The following FBN3 variants were observed in gnomAD, a reference collection of about 807,000 sequenced individuals.
FBN3 encodes the protein fibrillin 3, also known as fibrillin-3.
A neutral mutation model predicts 330.1 loss-of-function variants in FBN3; 234 were observed. That is an observed-to-expected ratio of 0.71 (90% CI 0.64 to 0.79). The LOEUF is 0.79. FBN3 is among the 30% of genes least tolerant of loss of function. FBN3 has a pLI of 0.00. For missense variants in FBN3, 3,606 were observed against 3,886.9 expected (o/e 0.93, Z 1.92); for synonymous variants, 1,458 against 1,517.3 (o/e 0.96, Z 0.91).
chr19:8,146,434 G>C (rs1296666063), intron 3 of FBN3, among the ~76,000 whole-genome samples: 1 of 152,216 alleles, frequency 6.6e-6, no homozygotes, highest in Non-Finnish European at 1.5e-5. Context: ...CCCAGGCTGT[G>C]GGTTGGGGAC....
At position 8,094,364 on chromosome 19, in the gene FBN3, C is replaced by G; in HGVS notation, c.5905+82G>C. The G allele has an allele frequency of 5.5e-6, 8 of 1,467,804 alleles. No individual in the cohort carries two copies. The Admixed American group carries it at 1.6e-4, about 30-fold the overall frequency. The allele number at this position is 1,467,804 out of a possible 1,614,324, so 90.9% of individuals were successfully genotyped here. On this transcript the variant is annotated intron_variant, in intron 47 of 63. Transcript: ENST00000600128. ...AGTACATCTCCACCTTCATCACAAC[C>G]CTAGCTGGTATTCCCATTTTATGGA...
In FBN3 at chr19:8,146,348, C is replaced by G. The variant is rs2083546528; in HGVS notation, c.251-123G>C. ...CTGCTGGTCATCTGCATCCCCGGCT[C>G]TGCTCATAGCACACCCCACCCCTGT... On this transcript the variant is annotated intron_variant, in intron 3 of 63. Transcript: ENST00000600128. 17 of 765,660 alleles carry G rather than the reference C, an allele frequency of 2.2e-5. 1 individual carries two copies. Among genetic ancestry groups the G allele is most frequent in the Admixed American group, 6.7e-5 (3 of 44,728 alleles). The allele number at this position is 765,660 out of a possible 1,614,324, so 47.4% of individuals were successfully genotyped here. A position where few individuals can be genotyped will look rare whatever the true frequency, so the allele number is the denominator to read the frequency against.
intron 56 of FBN3, 110 bp downstream of exon 56, chr19:8,085,253 A>T: frequency 1.1e-6 from 1 of 873,758 alleles, no homozygotes; most frequent in Non-Finnish European, 1.8e-6. Context: ...ACACACACAC[A>T]CACAGTGTGG....
chr19:8,106,211 C>A lies in FBN3; in HGVS notation c.4710G>T (p.Leu1570=). 1.2e-6 allele frequency: 2 copies of A among 1,614,190 alleles called. No individual in the cohort carries two copies. The highest frequency in any genetic ancestry group is 1.7e-6 in the Non-Finnish European group (2 of 1,180,030). The change falls in exon 38 of 64, where the codon CTG becomes CTT. Residue 1570 remains leucine (L), a synonymous_variant. Coordinates refer to ENST00000600128, the MANE Select transcript of FBN3 (RefSeq NM_032447.5). The part of the protein sequence containing the change: ...ILEDIDECQE[L]PGLCQGGDCV... ...AGTCACCCCCCTGACACAGCCCTGG[C>A]AGCTCTTGGCACTCGTCGATGTCTG...
At chr19:8,078,750 C>G (rs921306456) in intron 59 of FBN3, among the ~76,000 whole-genome samples, 7 of 150,272 alleles carry the variant, frequency 4.7e-5, no homozygotes, top group African/African-American at 1.7e-4. Flanking sequence ...AGAAATGCCT[C>G]TTGTTTCAAG....
chr19:8,091,442 C>T (rs1424634092), intron 48 of FBN3, 23 bp downstream of exon 48: 8 of 1,592,836 alleles, frequency 5.0e-6, no homozygotes, highest in Non-Finnish European at 6.9e-6. Context: ...CCACCCTCTT[C>T]CCTAAGCCCT....
chr19:8,120,239 G>A (rs1290731805), intron 25 of FBN3, among the ~76,000 whole-genome samples: 3 of 141,198 alleles, frequency 2.1e-5, no homozygotes, highest in African/African-American at 5.4e-5. Flanking sequence ...GCGCGATCTC[G>A]GCTCACTGCA....
chr19:8,128,974 G>A (rs2083060192), intron 18 of FBN3, 54 bp downstream of exon 18: 2 of 1,564,248 alleles, frequency 1.3e-6, no homozygotes, highest in Middle Eastern at 1.8e-4. Context: ...CACATGCCAA[G>A]TATGTTGGAG....
Position 8,076,189 on chromosome 19 carries a change from T to C in FBN3, c.7454-778A>G, listed in dbSNP as rs577445335. ...ATCTTGAACTGCCCAGCTTCCAGAA[T>C]GGAAAAAAAAATAAATCTCTGTAGT... On this transcript the variant is annotated intron_variant, in intron 59 of 63. Coordinates refer to ENST00000600128, the MANE Select transcript of FBN3 (RefSeq NM_032447.5). Among the ~76,000 whole-genome samples the C allele has an allele frequency of 1.2e-3, 176 of 150,654 alleles. 1 individual carries two copies. Among genetic ancestry groups the C allele is most frequent in the African/African-American group, 4.0e-3 (165 of 40,838 alleles).
Position 8,075,015 on chromosome 19 carries a change from T to C in FBN3, c.7702+56A>G, listed in dbSNP as rs2081606451. The stretch of plus-strand genomic sequence containing the variant: ...TGCAGGGTGGCGTCTGTTAGTCGCC[T>C]GCTCTGAGCAGATTCTGGTGGAGGG... On this transcript the variant is annotated intron_variant, in intron 61 of 63. Transcript: ENST00000600128. 5 of 1,563,204 alleles carry C rather than the reference T, an allele frequency of 3.2e-6. No individual in the cohort carries two copies. In the Admixed American group the frequency reaches 7.9e-5, roughly 25 times the overall value.
At chr19:8,144,757 A>G in intron 6 of FBN3, 120 bp downstream of exon 6, 2 of 708,062 alleles carry the variant, frequency 2.8e-6, no homozygotes, top group Non-Finnish European at 2.4e-6. Context: ...GACTGCCCCA[A>G]ATGCGGGAAG....
intron 46 of FBN3, among the ~76,000 whole-genome samples, chr19:8,095,070 C>G (rs2082181322): frequency 6.6e-6 from 1 of 152,040 alleles, no homozygotes; most frequent in Non-Finnish European, 1.5e-5. Flanking sequence ...CTCCTGGGCT[C>G]AAGTGATTCT....
At chr19:8,091,405 C>T (rs567237760) in intron 48 of FBN3, 60 bp downstream of exon 48, 12 of 1,585,778 alleles carry the variant, frequency 7.6e-6, no homozygotes, top group Middle Eastern at 1.7e-4. Context: ...CTTTTCTGGG[C>T]AATCTGACCC....
At chr19:8,071,947 T>C in intron 63 of FBN3, 101 bp downstream of exon 63, 1 of 1,216,832 alleles carries the variant, frequency 8.2e-7, no homozygotes, top group South Asian at 1.5e-5. Context: ...AGCCTGGTGC[T>C]CCTTCTTGGG....
chr19:8,134,984 A>AT (rs1358202655), intron 13 of FBN3, among the ~76,000 whole-genome samples: 2 of 148,514 alleles, frequency 1.3e-5, no homozygotes, highest in East Asian at 3.9e-4. Context: ...ACATATATAT[A>AT]TATATATTTT....
chr19:8,093,488 T>A (rs1344156331), intron 47 of FBN3, among the ~76,000 whole-genome samples: 1 of 152,120 alleles, frequency 6.6e-6, no homozygotes, highest in East Asian at 1.9e-4. Flanking sequence ...CCGGGCATGG[T>A]GGCGGGCGCC....
In FBN3 at chr19:8,096,668, T is replaced by A; in HGVS notation, c.5414-99A>T. On this transcript the variant is annotated intron_variant, in intron 43 of 63. Coordinates refer to ENST00000600128, the MANE Select transcript of FBN3 (RefSeq NM_032447.5). This position sits in a 1 kb window ranked among gnomAD's most constrained non-coding sequence, Gnocchi z 4.6. Reference sequence around the variant, plus strand: ...GGGAAGCCAGAATCTGCCTTGAAGTTCCCCACTCAAACTTCCACCAGGGGC... The same window carrying A: ...GGGAAGCCAGAATCTGCCTTGAAGTACCCCACTCAAACTTCCACCAGGGGC... 1 of 1,486,094 alleles carries A rather than the reference T, an allele frequency of 6.7e-7. No homozygotes were observed. Among genetic ancestry groups the A allele is most frequent in the Non-Finnish European group, 9.0e-7 (1 of 1,109,974 alleles). 92.1% of individuals were successfully genotyped at this position (1,486,094 alleles called of 1,614,324 possible).
intron 59 of FBN3, among the ~76,000 whole-genome samples, chr19:8,077,170 G>A (rs989640815): frequency 3.3e-5 from 5 of 152,208 alleles, no homozygotes; most frequent in African/African-American, 1.2e-4. Flanking sequence ...TGGTAGGAGG[G>A]CATTGGTACA....
At position 8,138,222 on chromosome 19, in the gene FBN3, G is replaced by A. The variant is rs200305271; in HGVS notation, c.1120C>T (p.Pro374Ser). ...GGGTTGAGTCGCGCTGGCCCAAGAGGGGGACCCATGCCATTGGATCCGAAG... is the reference window on the plus strand; with the variant it reads ...GGGTTGAGTCGCGCTGGCCCAAGAGAGGGACCCATGCCATTGGATCCGAAG... ...LGFGSNGMGP[P>S]LGPARLNPHG... The change falls in exon 10 of 64, where the codon CCT becomes TCT. Residue 374 changes from proline to serine, a missense_variant. Pro to Ser is a moderately conservative substitution (Grantham distance 74). Transcript: ENST00000600128. 38 of 1,612,096 alleles carry A rather than the reference G, an allele frequency of 2.4e-5. No homozygotes were observed. The highest frequency in any genetic ancestry group is 3.2e-5 in the Non-Finnish European group (38 of 1,179,526).
Sources: allele counts gnomAD v4.1 joint callset (sites outside exome capture counted in the v4.1 genomes callset), GRCh38; gene constraint gnomAD v4.1.1; non-coding constraint Gnocchi (gnomAD v3.1); transcripts MANE v1.5; gene names NCBI Gene and HGNC (gene_info 2026-07-23, HGNC 2026-07-21).